Variants in MLLT10 observed in about 807,000 individuals in gnomAD.
The protein encoded by MLLT10 is protein AF-10.
Under a neutral mutation model 129.1 loss-of-function variants are expected in MLLT10, and 30 were observed. The observed-to-expected ratio is 0.23, with a 90% CI of 0.17 to 0.32. MLLT10 has a LOEUF of 0.32. Ranked by LOEUF, MLLT10 falls within the 10% of genes least tolerant of loss-of-function variation. The pLI, the probability that MLLT10 is intolerant of heterozygous loss-of-function variation, is 1.00. For missense variants in MLLT10, 1,119 were observed against 1,268.3 expected, an observed-to-expected ratio of 0.88 and a Z score of 1.79; for synonymous variants, 490 against 446.4, an observed-to-expected ratio of 1.10 and a Z score of -1.23.
intron 3 of MLLT10, among the ~76,000 whole-genome samples, chr10:21,556,061 C>T (rs766312841): frequency 1.7e-4 from 24 of 142,652 alleles, no homozygotes; most frequent in Admixed American, 5.6e-4. Context: ...CTGCAACCTT[C>T]GCCTCCCGGG....
At position 21,673,550 on chromosome 10, in the gene MLLT10, A is replaced by G; in HGVS notation, c.1252A>G (p.Ile418Val). The part of the protein sequence containing the change: ...EGGVNSFSTL[I>V]GLPSTSAVTS... The stretch of plus-strand genomic sequence containing the variant: ...GGGGGTAAATAGTTTTAGTACCTTA[A>G]TTGGCCTCCCTTCAACCTCAGCTGT... Residue 418 changes from isoleucine to valine, a missense_variant, in exon 11 of 23, where the codon ATT becomes GTT. Physicochemically the swap from Ile to Val is conservative, Grantham distance 29. Coordinates refer to ENST00000307729, the MANE Select transcript of MLLT10 (RefSeq NM_001195626.3). 6.2e-7 allele frequency: 1 copy of G among 1,613,286 alleles called. No homozygotes were observed.
At chr10:21,622,672 C>T (rs990895174) in intron 8 of MLLT10, among the ~76,000 whole-genome samples, 1 of 152,292 alleles carries the variant, frequency 6.6e-6, no homozygotes, top group Middle Eastern at 3.4e-3. Context: ...AAAAGGAAAG[C>T]ATGCTGCTGT....
chr10:21,672,983 T>C (rs1232920342), intron 10 of MLLT10, among the ~76,000 whole-genome samples: 1 of 152,194 alleles, frequency 6.6e-6, no homozygotes, highest in South Asian at 2.1e-4. Flanking sequence ...GAAAGGAGAC[T>C]ACTGTTCTGT....
At chr10:21,656,821 G>A (rs1180649811) in intron 9 of MLLT10, among the ~76,000 whole-genome samples, 1 of 152,174 alleles carries the variant, frequency 6.6e-6, no homozygotes, top group East Asian at 1.9e-4. Context: ...ATCAGAGGGA[G>A]TAAAAGTGTA....
chr10:21,654,753 A>G (rs2049383198), intron 9 of MLLT10, among the ~76,000 whole-genome samples: 1 of 152,146 alleles, frequency 6.6e-6, no homozygotes. Flanking sequence ...AATACAGCGA[A>G]TGAGTGAGGG....
At chr10:21,545,493 A>G (rs900159222) in intron 3 of MLLT10, among the ~76,000 whole-genome samples, 1 of 152,140 alleles carries the variant, frequency 6.6e-6, no homozygotes, top group Non-Finnish European at 1.5e-5. Flanking sequence ...AGGGCATGGA[A>G]GATAGAGGAT....
rs114967884 is a variant in MLLT10, at chr10:21,625,426, A to C, written c.699+8219A>C. 3,116 of 874,434 alleles carry C rather than the reference A, an allele frequency of 3.6e-3. 50 individuals are homozygous for C. The African/African-American group carries it at 0.044, about 12-fold the overall frequency. The allele number at this position is 874,434 out of a possible 1,614,324, so 54.2% of individuals were successfully genotyped here. On this transcript the variant is annotated intron_variant, in intron 8 of 22. Transcript: ENST00000307729. ...TTTCGTCTGTGCCCAAGTTTCTCAC[A>C]AAGAATACTTTTACCTTAGCCATGA... is the stretch of plus-strand genomic sequence containing the variant.
At chr10:21,542,576 T>A (rs773047890) in intron 3 of MLLT10, among the ~76,000 whole-genome samples, 37 of 151,932 alleles carry the variant, frequency 2.4e-4, no homozygotes, top group Non-Finnish European at 4.1e-4. Context: ...CTCAAAAAAA[T>A]ATATATATAT....
At chr10:21,567,388 G>A (rs2039703172) in intron 3 of MLLT10, among the ~76,000 whole-genome samples, 2 of 152,042 alleles carry the variant, frequency 1.3e-5, no homozygotes, top group Non-Finnish European at 2.9e-5. Flanking sequence ...TGGTGGATGT[G>A]GCCTTGTTTG....
At chr10:21,660,139 T>C (rs1474070706) in intron 9 of MLLT10, among the ~76,000 whole-genome samples, 1 of 151,916 alleles carries the variant, frequency 6.6e-6, no homozygotes, top group African/African-American at 2.4e-5. Flanking sequence ...AATTTTTTCT[T>C]ATAATTTTTT....
chr10:21,573,386 C>T (rs1286540771), intron 3 of MLLT10, among the ~76,000 whole-genome samples: 1 of 152,160 alleles, frequency 6.6e-6, no homozygotes, highest in Non-Finnish European at 1.5e-5. Context: ...TAGTCACAGA[C>T]CCCAAGAGGA....
intron 5 of MLLT10, among the ~76,000 whole-genome samples, chr10:21,604,882 C>G (rs1336652214): frequency 3.3e-5 from 5 of 150,090 alleles, no homozygotes; most frequent in African/African-American, 1.2e-4. Flanking sequence ...TTTCTTATGA[C>G]TGCTTAGTTC....
Position 21,737,451 on chromosome 10 carries a change from GAAGA to G in MLLT10, c.2955+2220_2955+2223del, listed in dbSNP as rs563360366. Among the ~76,000 whole-genome samples the G allele has an allele frequency of 6.0e-4, 91 of 152,286 alleles. 4 individuals are homozygous for G. The highest frequency in any genetic ancestry group is 6.0e-3 in the Admixed American group (91 of 15,294). ...GATGGGACATTGCTGGGATAGGAGA[GAAGA>G]AAGGTGCTAGCAGAGGAGGAGATGA... is the stretch of plus-strand genomic sequence containing the variant. On this transcript the variant is annotated intron_variant, in intron 21 of 22. Transcript: ENST00000307729.
At chr10:21,625,073 A>G in intron 8 of MLLT10, 1 of 865,494 alleles carries the variant, frequency 1.2e-6, no homozygotes, top group South Asian at 1.5e-5. Flanking sequence ...TAACTGTAGT[A>G]ATCTTCATGC....
chr10:21,724,655 G>A (rs1477313930), intron 14 of MLLT10, among the ~76,000 whole-genome samples: 1 of 152,178 alleles, frequency 6.6e-6, no homozygotes, highest in Non-Finnish European at 1.5e-5. Flanking sequence ...ATTATTTCAG[G>A]CCACTGAGAG....
intron 5 of MLLT10, among the ~76,000 whole-genome samples, chr10:21,599,091 T>C (rs2043273234): frequency 6.6e-6 from 1 of 151,804 alleles, no homozygotes; most frequent in Non-Finnish European, 1.5e-5. Context: ...GGCAGGAGAA[T>C]TGCTTGAACC....
intron 13 of MLLT10, among the ~76,000 whole-genome samples, chr10:21,684,901 C>T (rs1222086167): frequency 6.6e-6 from 1 of 152,030 alleles, no homozygotes; most frequent in Admixed American, 6.6e-5. Flanking sequence ...TGACGTAGAC[C>T]TTGTTTGTAT....
chr10:21,708,724 G>A (rs759979056), intron 13 of MLLT10: 1 of 985,320 alleles, frequency 1.0e-6, no homozygotes, highest in Non-Finnish European at 1.2e-6. Context: ...TAATCACCAC[G>A]ATTTTGCTTC....
At chr10:21,697,195 G>A (rs2054461798) in intron 13 of MLLT10, among the ~76,000 whole-genome samples, 1 of 151,792 alleles carries the variant, frequency 6.6e-6, no homozygotes, top group East Asian at 1.9e-4. Context: ...GGCCGGGCAT[G>A]GTGGCTCATG....
Sources: gnomAD v4.1 joint callset for allele counts (sites outside exome capture counted in the v4.1 genomes callset) on GRCh38, gnomAD v4.1.1 for gene constraint, MANE v1.5 for transcripts, NCBI Gene and HGNC (gene_info 2026-07-23, HGNC 2026-07-21) for gene names.